PDGFC: variants seen among roughly 807,000 people sequenced by gnomAD.
PDGFC encodes the protein platelet-derived growth factor C.
In PDGFC, 12 loss-of-function variants were observed where a neutral mutation model predicts 35.5. The ratio of observed to expected loss-of-function variants is 0.34; its 90% CI spans 0.22 to 0.55. The LOEUF is 0.55. PDGFC is among the 20% of genes least tolerant of loss of function. The pLI, the probability that PDGFC is intolerant of heterozygous loss-of-function variation, is 0.91. For missense variants in PDGFC, 322 were observed against 412.4 expected (o/e 0.78, Z 1.90); for synonymous variants, 159 against 148.8 (o/e 1.07, Z -0.50).
At chr4:156,806,624 G>A (rs1441827480) in intron 3 of PDGFC, among the ~76,000 whole-genome samples, 1 of 151,850 alleles carries the variant, frequency 6.6e-6, no homozygotes, top group Non-Finnish European at 1.5e-5. Flanking sequence ...TTCAGATTTA[G>A]ATTTGTATAT....
intron 3 of PDGFC, among the ~76,000 whole-genome samples, chr4:156,793,910 T>C (rs17035257): frequency 0.17 from 26,398 of 151,832 alleles, 2,425 homozygotes; most frequent in South Asian, 0.4. Flanking sequence ...CTCAAGGTTA[T>C]AAGAACACAA....
At chr4:156,786,198 G>C (rs534020362) in intron 3 of PDGFC, among the ~76,000 whole-genome samples, 1 of 152,282 alleles carries the variant, frequency 6.6e-6, no homozygotes, top group Non-Finnish European at 1.5e-5. Flanking sequence ...TCTAGGTGCT[G>C]AGGATCAAGC....
chr4:156,954,670 CATT>C (rs1213719062), intron 1 of PDGFC, among the ~76,000 whole-genome samples: 1 of 151,788 alleles, frequency 6.6e-6, no homozygotes, highest in African/African-American at 2.4e-5. Flanking sequence ...AAGCAGTCAT[CATT>C]ATAATTTTGC....
chr4:156,782,274 G>A (rs567174666), intron 3 of PDGFC, among the ~76,000 whole-genome samples: 7 of 152,128 alleles, frequency 4.6e-5, no homozygotes, highest in Non-Finnish European at 8.8e-5. Flanking sequence ...ATCCTATGTC[G>A]GTTTTCTGAA....
At chr4:156,789,841 G>A (rs1393587723) in intron 3 of PDGFC, among the ~76,000 whole-genome samples, 1 of 151,988 alleles carries the variant, frequency 6.6e-6, no homozygotes, top group African/African-American at 2.4e-5. Context: ...GCCAGGCATG[G>A]TGACGGGTGC....
intron 2 of PDGFC, among the ~76,000 whole-genome samples, chr4:156,823,828 C>T (rs1403519889): frequency 6.6e-6 from 1 of 152,040 alleles, no homozygotes; most frequent in Admixed American, 6.6e-5. Flanking sequence ...ATTAAAGCAA[C>T]CTAAGTGTCC....
chr4:156,859,199 C>T (rs2111108092), intron 1 of PDGFC, among the ~76,000 whole-genome samples: 1 of 152,052 alleles, frequency 6.6e-6, no homozygotes, highest in Admixed American at 6.6e-5. Flanking sequence ...GAAACATATT[C>T]ATTTTAGTCT....
intron 2 of PDGFC, among the ~76,000 whole-genome samples, chr4:156,816,076 A>G (rs753234402): frequency 1.1e-4 from 16 of 152,228 alleles, no homozygotes; most frequent in Admixed American, 5.9e-4. Flanking sequence ...GGAGTATACC[A>G]AAGAAATGAA....
intron 1 of PDGFC, among the ~76,000 whole-genome samples, chr4:156,959,746 T>C (rs1248861064): frequency 6.6e-6 from 1 of 152,024 alleles, no homozygotes; most frequent in Non-Finnish European, 1.5e-5. Context: ...GAGTTTTTGC[T>C]ACGGTAGGTT....
At chr4:156,792,333 T>C (rs1731319995) in intron 3 of PDGFC, among the ~76,000 whole-genome samples, 1 of 152,176 alleles carries the variant, frequency 6.6e-6, no homozygotes, top group African/African-American at 2.4e-5. Context: ...TTATTCATAA[T>C]ATGAATTAAA....
At chr4:156,919,924 G>A (rs527639137) in intron 1 of PDGFC, among the ~76,000 whole-genome samples, 5 of 152,248 alleles carry the variant, frequency 3.3e-5, no homozygotes, top group South Asian at 4.1e-4. Flanking sequence ...TGGATCATGA[G>A]TGTCAGTCCC....
At chr4:156,919,986 T>C (rs951352882) in intron 1 of PDGFC, among the ~76,000 whole-genome samples, 7 of 152,118 alleles carry the variant, frequency 4.6e-5, no homozygotes, top group Non-Finnish European at 1.0e-4. Context: ...CCTCACTCTA[T>C]GAGTTCATGC....
chr4:156,898,638 C>CT (rs778972548), intron 1 of PDGFC, among the ~76,000 whole-genome samples: 445 of 96,864 alleles, frequency 4.6e-3, no homozygotes, highest in Non-Finnish European at 8.4e-3. Flanking sequence ...TAGAAGCTTC[C>CT]ATTTTTTTTT....
chr4:156,769,433 T>A (rs535284929), intron 4 of PDGFC, among the ~76,000 whole-genome samples: 6 of 152,082 alleles, frequency 3.9e-5, no homozygotes, highest in Admixed American at 2.0e-4. Flanking sequence ...AAATTATGCA[T>A]AGGTAATTGT....
intron 1 of PDGFC, among the ~76,000 whole-genome samples, chr4:156,877,850 A>G (rs756895957): frequency 1.3e-5 from 2 of 151,950 alleles, no homozygotes; most frequent in African/African-American, 4.8e-5. Flanking sequence ...GGTTAACTCT[A>G]TTCACTCTTT....
At chr4:156,797,324 G>A (rs1167933919) in intron 3 of PDGFC, among the ~76,000 whole-genome samples, 2 of 151,772 alleles carry the variant, frequency 1.3e-5, no homozygotes, top group African/African-American at 4.8e-5. Context: ...GTGAATTAAG[G>A]AGCACACTCA....
chr4:156,965,181 C>T (rs534098164), intron 1 of PDGFC, among the ~76,000 whole-genome samples: 1 of 152,274 alleles, frequency 6.6e-6, no homozygotes, highest in Admixed American at 6.5e-5. Flanking sequence ...AAGTAGTGTG[C>T]AAGCTCCAAG....
At chr4:156,932,748 G>T (rs1189487080) in intron 1 of PDGFC, among the ~76,000 whole-genome samples, 5 of 124,212 alleles carry the variant, frequency 4.0e-5, no homozygotes, top group African/African-American at 1.6e-4. Flanking sequence ...GCCTGTTGTG[G>T]GGTGGGGGGA....
chr4:156,775,483 G>A (rs752247273), intron 3 of PDGFC, among the ~76,000 whole-genome samples: 2 of 152,094 alleles, frequency 1.3e-5, no homozygotes, highest in Non-Finnish European at 2.9e-5. Context: ...AAATATAATT[G>A]CTATGTAGGG....
Sources: gnomAD v4.1 joint callset for allele counts (sites outside exome capture counted in the v4.1 genomes callset) on GRCh38, gnomAD v4.1.1 for gene constraint, MANE v1.5 for transcripts, NCBI Gene and HGNC (gene_info 2026-07-23, HGNC 2026-07-21) for gene names.